EQTN: variants seen among roughly 807,000 people sequenced by gnomAD.
EQTN encodes Acrosome formation associated factor.
Under a neutral mutation model 26.9 loss-of-function variants are expected in EQTN, and 29 were observed. The observed-to-expected ratio is 1.08, with a 90% CI of 0.80 to 1.47. The LOEUF (loss-of-function observed/expected upper bound fraction) is 1.47, where lower values mean the gene tolerates loss of function less well. Among genes scored for constraint, EQTN ranks in the 40% most tolerant of loss-of-function variants. EQTN has a pLI of 0.00. For synonymous variants in EQTN, 129 were observed against 120.0 expected (o/e 1.07, Z -0.49); for missense variants, 391 against 346.1 (o/e 1.13, Z -1.03).
Position 27,294,352 on chromosome 9 carries a change from T to C in EQTN, c.253A>G (p.Arg85Gly). The C allele has an allele frequency of 6.2e-7, 1 of 1,611,576 alleles. No homozygotes were observed. Among genetic ancestry groups the C allele is most frequent in the Non-Finnish European group, 8.5e-7 (1 of 1,178,400 alleles). The change falls in exon 3 of 8, where the codon AGA (arginine) becomes GGA (glycine). Residue 85 changes from arginine to glycine, a missense_variant. Arg to Gly is a moderately radical substitution (Grantham distance 125). Coordinates refer to ENST00000380032, the MANE Select transcript of EQTN (RefSeq NM_020641.3). ...PNGTESEISV[R>G]ATTDLNFALK... ...GCAAAATTCAGGTCAGTTGTGGCTC[T>C]CACAGATATTTCAGACTCAGTGCCA...
chr9:27,292,385 G>A lies in EQTN; in HGVS notation c.376+16C>T. ...GATATTCTCCAGGTATGAATACAGT[G>A]TAGTAATTTAAATACTTTGAATATT... On this transcript the variant is annotated intron_variant, in intron 4 of 7. Transcript: ENST00000380032. 6.7e-7 allele frequency: 1 copy of A among 1,501,110 alleles called. No homozygotes were observed. Among genetic ancestry groups the A allele is most frequent in the Non-Finnish European group, 9.2e-7 (1 of 1,083,422 alleles). The allele number at this position is 1,501,110 out of a possible 1,614,324, so 93.0% of individuals were successfully genotyped here. A position where few individuals can be genotyped will look rare whatever the true frequency, so the allele number is the denominator to read the frequency against.
chr9:27,290,957 G>A, intron 5 of EQTN, 62 bp downstream of exon 5: 1 of 1,457,090 alleles, frequency 6.9e-7, no homozygotes, highest in Non-Finnish European at 9.5e-7. Context: ...ACTGATCTTA[G>A]CTCTAAGTAA....
In EQTN at chr9:27,289,686, A is replaced by C. The variant is rs775279057; in HGVS notation, c.467T>G (p.Phe156Cys). 2 of 1,607,664 alleles carry C rather than the reference A, an allele frequency of 1.2e-6. No homozygotes were observed. Among genetic ancestry groups the C allele is most frequent in the South Asian group, 1.1e-5 (1 of 89,378 alleles). Reference sequence around the variant, plus strand: ...TTTGTTCTTACCTGGAATTGGGTGAAATAATTGATCTTTATCATCCATGAC... The same window carrying C: ...TTTGTTCTTACCTGGAATTGGGTGACATAATTGATCTTTATCATCCATGAC... ...AVVMDDKDQLFHPIPESDVNA... is the reference protein window; with the variant it reads ...AVVMDDKDQLCHPIPESDVNA... The change falls in exon 6 of 8, where the codon TTT becomes TGT. Residue 156 changes from phenylalanine (F) to cysteine (C), a missense_variant. Coordinates refer to ENST00000380032, the MANE Select transcript of EQTN (RefSeq NM_020641.3).
In EQTN at chr9:27,294,415, G is replaced by A. The variant is rs1366445489; in HGVS notation, c.203-13C>T. 1 of 1,545,546 alleles carries A rather than the reference G, an allele frequency of 6.5e-7. No homozygotes were observed. Among genetic ancestry groups the A allele is most frequent in the South Asian group, 1.3e-5 (1 of 79,620 alleles). On this transcript the variant is annotated splice_polypyrimidine_tract_variant and intron_variant, in intron 2 of 7. Coordinates refer to ENST00000380032, the MANE Select transcript of EQTN (RefSeq NM_020641.3). The stretch of plus-strand genomic sequence containing the variant: ...GTTGTGAACACATCTAAAAACAAAA[G>A]CGAAAGTCTTCAGCAACTAGCTAAG...
Position 27,297,141 on chromosome 9 carries a change from A to G in EQTN, c.-86T>C. 1 of 899,332 alleles carries G rather than the reference A, an allele frequency of 1.1e-6. No individual in the cohort carries two copies. Among genetic ancestry groups the G allele is most frequent in the Admixed American group, 2.6e-5 (1 of 37,896 alleles). 55.7% of individuals were successfully genotyped at this position (899,332 alleles called of 1,614,324 possible). ...GGCCCAGCAGGTCCTGTGTCTAACT[A>G]GGACATTATGACATCACTGTCAGAT... On this transcript the variant is annotated 5_prime_UTR_variant, in exon 1 of 8. An upstream open reading frame in the 5' UTR loses its in-frame stop. Coordinates refer to ENST00000380032, the MANE Select transcript of EQTN (RefSeq NM_020641.3).
Position 27,294,342 on chromosome 9 carries a change from G to C in EQTN, c.263C>G (p.Thr88Ser), listed in dbSNP as rs750193666. ...GTTTTTTAGAGCAAAATTCAGGTCA[G>C]TTGTGGCTCTCACAGATATTTCAGA... is the stretch of plus-strand genomic sequence containing the variant. ...TESEISVRAT[T>S]DLNFALKNDK... Residue 88 changes from threonine (T) to serine (S), a missense_variant, in exon 3 of 8, where the codon ACT becomes AGT. Thr to Ser is a moderately conservative substitution (Grantham distance 58, BLOSUM62 1). Transcript: ENST00000380032. 1 of 1,610,172 alleles carries C rather than the reference G, an allele frequency of 6.2e-7. No homozygotes were observed. The highest frequency in any genetic ancestry group is 1.3e-5 in the African/African-American group (1 of 75,000).
rs1475164718 is a variant in EQTN, at chr9:27,292,397, A to G, written c.376+4T>C. 1.9e-6 allele frequency: 3 copies of G among 1,573,958 alleles called. No individual in the cohort carries two copies. The highest frequency in any genetic ancestry group is 2.2e-5 in the East Asian group (1 of 44,452). On this transcript the variant is annotated splice_donor_region_variant and intron_variant, in intron 4 of 7. Transcript: ENST00000380032. Reference sequence around the variant, plus strand: ...GTATGAATACAGTGTAGTAATTTAAATACTTTGAATATTTTTATGAGAGGG... The same window carrying G: ...GTATGAATACAGTGTAGTAATTTAAGTACTTTGAATATTTTTATGAGAGGG...
At chr9:27,288,042 G>A (rs1820156961) in intron 6 of EQTN, among the ~76,000 whole-genome samples, 1 of 152,114 alleles carries the variant, frequency 6.6e-6, no homozygotes, top group Non-Finnish European at 1.5e-5. Context: ...CTGACCTCAG[G>A]TGATCTGCCT....
chr9:27,296,756 A>T lies in EQTN; in HGVS notation c.77-18T>A, dbSNP rs892089408. 6.3e-7 allele frequency: 1 copy of T among 1,597,578 alleles called. No individual in the cohort carries two copies. Among genetic ancestry groups the T allele is most frequent in the Middle Eastern group, 1.7e-4 (1 of 6,004 alleles). On this transcript the variant is annotated intron_variant, in intron 1 of 7. Coordinates refer to ENST00000380032, the MANE Select transcript of EQTN (RefSeq NM_020641.3). ...AGGCAATGCTAAAAAAAAGTATCAC[A>T]CACCATAGATCAGAAATATGTTGAT...
At chr9:27,286,691 A>G (rs993746686) in intron 6 of EQTN, among the ~76,000 whole-genome samples, 2 of 152,240 alleles carry the variant, frequency 1.3e-5, no homozygotes, top group African/African-American at 2.4e-5. Flanking sequence ...CAAAATGCAT[A>G]TATAGCAGAC....
chr9:27,292,563 C>A, intron 3 of EQTN, 76 bp from the exon 4 acceptor site: 3 of 777,748 alleles, frequency 3.9e-6, no homozygotes. Flanking sequence ...TTTTTAATAT[C>A]TATTAAATGG....
intron 4 of EQTN, 132 bp from the exon 5 acceptor site, chr9:27,291,195 T>TTGC (rs1820228602): frequency 4.7e-5 from 29 of 615,134 alleles, no homozygotes; most frequent in Non-Finnish European, 6.1e-5. Flanking sequence ...GTGTCAGACC[T>TTGC]GTGGTTGGCA....
intron 5 of EQTN, 114 bp from the exon 6 acceptor site, chr9:27,289,845 T>C: frequency 1.5e-6 from 1 of 679,006 alleles, no homozygotes; most frequent in Non-Finnish European, 2.3e-6. Flanking sequence ...TCTGTTCTCA[T>C]TATTCGTGGC....
At chr9:27,293,949 C>CA (rs909684320) in intron 3 of EQTN, among the ~76,000 whole-genome samples, 9 of 151,790 alleles carry the variant, frequency 5.9e-5, no homozygotes, top group East Asian at 5.8e-4. Flanking sequence ...ATCAGAAAGG[C>CA]AAAAAAACGT....
Position 27,286,135 on chromosome 9 carries a change from T to A in EQTN, c.635+74A>T, listed in dbSNP as rs1453081918. ...TTCAGAGGTCACATATTCCTAAGAATCTACTAAAGAGAGGAGGGAGAGAAT... is the reference window on the plus strand; with the variant it reads ...TTCAGAGGTCACATATTCCTAAGAAACTACTAAAGAGAGGAGGGAGAGAAT... On this transcript the variant is annotated intron_variant, in intron 7 of 7. Coordinates refer to ENST00000380032, the MANE Select transcript of EQTN (RefSeq NM_020641.3). The A allele has an allele frequency of 1.2e-5, 17 of 1,423,098 alleles. No individual in the cohort carries two copies. The East Asian group carries it at 3.4e-4, about 29-fold the overall frequency. The allele number at this position is 1,423,098 out of a possible 1,614,324, so 88.2% of individuals were successfully genotyped here. A position where few individuals can be genotyped will look rare whatever the true frequency, so the allele number is the denominator to read the frequency against.
intron 2 of EQTN, 164 bp from the exon 3 acceptor site, chr9:27,294,566 G>A: frequency 2.4e-6 from 1 of 409,290 alleles, no homozygotes; most frequent in Non-Finnish European, 4.3e-6. Context: ...GTGGGGCAAG[G>A]GTCAAATCTA....
chr9:27,296,641 AT>A lies in EQTN; in HGVS notation c.173del (p.Asn58MetfsTer8). On this transcript the variant is annotated frameshift_variant, in exon 2 of 8. Coordinates refer to ENST00000380032, the MANE Select transcript of EQTN (RefSeq NM_020641.3). LOFTEE classifies it high-confidence loss of function. The part of the protein sequence containing the change: ...TPNYAPANEK[N>X]GNYYKDIKQY... ...GTTTTATATCTTTATAATAATTGCC[AT>A]TTTTCTCATTAGCAGGAGCATAATT... 1 of 1,564,832 alleles carries A rather than the reference AT, an allele frequency of 6.4e-7. No individual in the cohort carries two copies. Among genetic ancestry groups the A allele is most frequent in the Admixed American group, 1.7e-5 (1 of 57,620 alleles).
At chr9:27,290,340 G>A (rs1015624189) in intron 5 of EQTN, among the ~76,000 whole-genome samples, 4 of 152,178 alleles carry the variant, frequency 2.6e-5, no homozygotes, top group African/African-American at 9.7e-5. Flanking sequence ...GTGTGTGTCA[G>A]ACAATCAAAA....
chr9:27,296,280 C>G (rs746636085), intron 2 of EQTN, among the ~76,000 whole-genome samples: 2 of 152,172 alleles, frequency 1.3e-5, no homozygotes, highest in Non-Finnish European at 2.9e-5. Context: ...TGCACTCCAG[C>G]CTGGGTGACA....
Sources: allele counts gnomAD v4.1 joint callset (sites outside exome capture counted in the v4.1 genomes callset), GRCh38; gene constraint gnomAD v4.1.1; transcripts MANE v1.5; gene names NCBI Gene and HGNC (gene_info 2026-07-23, HGNC 2026-07-21).